CDH2: variants seen among roughly 807,000 people sequenced by gnomAD.
CDH2 encodes the protein cadherin-2.
CDH2 carries 17 observed loss-of-function variants against 92.0 expected under a neutral mutation model. That is an observed-to-expected ratio of 0.18 (90% CI 0.13 to 0.28). The LOEUF is 0.28. CDH2 is among the 10% of genes least tolerant of loss of function. The pLI is 1.00. For missense variants in CDH2, 862 were observed against 1,133.1 expected (o/e 0.76, Z 3.44); for synonymous variants, 419 against 415.9 (o/e 1.01, Z -0.09).
intron 2 of CDH2, among the ~76,000 whole-genome samples, chr18:28,083,949 G>C (rs2014878886): frequency 6.6e-6 from 1 of 152,106 alleles, no homozygotes. Context: ...ACCTCTCTCT[G>C]AGCTCAGTGG....
At chr18:28,141,461 A>G (rs925454467) in intron 2 of CDH2, among the ~76,000 whole-genome samples, 1 of 152,024 alleles carries the variant, frequency 6.6e-6, no homozygotes, top group African/African-American at 2.4e-5. Flanking sequence ...CTGTGAATGT[A>G]CTAAGTGCCA....
At chr18:28,058,332 A>G (rs1411138122) in intron 2 of CDH2, among the ~76,000 whole-genome samples, 2 of 152,172 alleles carry the variant, frequency 1.3e-5, no homozygotes, top group Non-Finnish European at 2.9e-5. Context: ...TGACAGAGAG[A>G]GACAGAGAGA....
chr18:28,058,993 G>C (rs2014350196), intron 2 of CDH2, among the ~76,000 whole-genome samples: 1 of 152,120 alleles, frequency 6.6e-6, no homozygotes, highest in East Asian at 1.9e-4. Flanking sequence ...TTATCTATTT[G>C]ATTTTAGTTG....
At chr18:28,016,564 T>A (rs940937487) in intron 2 of CDH2, among the ~76,000 whole-genome samples, 9 of 152,168 alleles carry the variant, frequency 5.9e-5, no homozygotes, top group Non-Finnish European at 1.0e-4. Context: ...TCAGATTATG[T>A]CACATGTTAA....
intron 2 of CDH2, among the ~76,000 whole-genome samples, chr18:28,068,807 T>A (rs1007258211): frequency 6.6e-6 from 1 of 152,200 alleles, no homozygotes; most frequent in African/African-American, 2.4e-5. Flanking sequence ...TTAGATCCCA[T>A]GCTATTTTAG....
chr18:27,982,334 A>G (rs1341238878), intron 14 of CDH2, among the ~76,000 whole-genome samples: 1 of 152,192 alleles, frequency 6.6e-6, no homozygotes, highest in Admixed American at 6.6e-5. Flanking sequence ...ATAGGTTCAC[A>G]TTAGTTAATG....
intron 2 of CDH2, among the ~76,000 whole-genome samples, chr18:28,118,887 A>C (rs2144267653): frequency 6.6e-6 from 1 of 152,242 alleles, no homozygotes; most frequent in South Asian, 2.1e-4. Context: ...ACTAGCTAAA[A>C]GTATACTTTG....
chr18:27,992,794 T>G lies in CDH2; in HGVS notation c.1205A>C (p.Asn402Thr). Residue 402 changes from asparagine (N) to threonine (T), a missense_variant, in exon 9 of 16, where the codon AAT (asparagine) becomes ACT (threonine). Coordinates refer to ENST00000269141, the MANE Select transcript of CDH2 (RefSeq NM_001792.5). ...TTGATCCTTATCGGTCACAGTTAGA[T>G]TAGCTACTATGATGTCTACCCTGTT... ...PENRVDIIVA[N>T]LTVTDKDQPH... 1.9e-6 allele frequency: 3 copies of G among 1,613,948 alleles called. No individual in the cohort carries two copies. Among genetic ancestry groups the G allele is most frequent in the Non-Finnish European group, 2.5e-6 (3 of 1,179,870 alleles).
chr18:28,040,349 C>G (rs913969831), intron 2 of CDH2, among the ~76,000 whole-genome samples: 5 of 152,160 alleles, frequency 3.3e-5, no homozygotes, highest in African/African-American at 1.2e-4. Context: ...ATTATAATTC[C>G]TGACATGGCA....
intron 2 of CDH2, among the ~76,000 whole-genome samples, chr18:28,131,683 G>GGGGTGTGTGTGT (rs1555645013): frequency 1.3e-5 from 2 of 150,196 alleles, no homozygotes; most frequent in Non-Finnish European, 3.0e-5. Context: ...AAGCATTTGT[G>GGGGTGTGTGTGT]GTGTGTGTGT....
At chr18:28,022,776 T>C (rs1293645570) in intron 2 of CDH2, among the ~76,000 whole-genome samples, 1 of 152,160 alleles carries the variant, frequency 6.6e-6, no homozygotes, top group African/African-American at 2.4e-5. Flanking sequence ...AATACTTTTT[T>C]TAGGTTTTCA....
intron 15 of CDH2, among the ~76,000 whole-genome samples, chr18:27,954,850 C>T (rs755687953): frequency 5.9e-5 from 9 of 152,100 alleles, no homozygotes; most frequent in Non-Finnish European, 8.8e-5. Flanking sequence ...TGGCTGCCCT[C>T]GTGGAGTTAA....
chr18:28,093,725 T>G (rs1261410901), intron 2 of CDH2, among the ~76,000 whole-genome samples: 1 of 152,236 alleles, frequency 6.6e-6, no homozygotes, highest in East Asian at 1.9e-4. Flanking sequence ...TCTATTTCAT[T>G]CTTTTATACA....
intron 2 of CDH2, among the ~76,000 whole-genome samples, chr18:28,048,500 A>G (rs1264781073): frequency 6.6e-6 from 1 of 152,204 alleles, no homozygotes; most frequent in East Asian, 1.9e-4. Context: ...ATAAAGAATA[A>G]CTGTATTCGA....
chr18:28,087,047 A>T (rs1003782355), intron 2 of CDH2, among the ~76,000 whole-genome samples: 13 of 152,170 alleles, frequency 8.5e-5, no homozygotes, highest in Admixed American at 7.2e-4. Flanking sequence ...AGGCAGGCTG[A>T]ATTTAATATT....
intron 2 of CDH2, among the ~76,000 whole-genome samples, chr18:28,115,433 A>G (rs889117658): frequency 6.6e-6 from 1 of 152,142 alleles, no homozygotes; most frequent in Non-Finnish European, 1.5e-5. Flanking sequence ...TCCACCAGTG[A>G]CTTAGCAGAA....
In CDH2 at chr18:28,077,748, G is replaced by A. The variant is rs972587202; in HGVS notation, c.173-63839C>T. 1.7e-4 allele frequency among the ~76,000 whole-genome samples: 26 copies of A among 151,834 alleles called. No individual in the cohort carries two copies. The Middle Eastern group carries it at 0.014, about 79-fold the overall frequency. ...TCTGCCAAAAATACAAAAATTAGGC[G>A]GGTGTGGCAGCGTGTGCCTACATTC... On this transcript the variant is annotated intron_variant, in intron 2 of 15. Coordinates refer to ENST00000269141, the MANE Select transcript of CDH2 (RefSeq NM_001792.5).
chr18:28,102,356 G>A (rs570185037), intron 2 of CDH2, among the ~76,000 whole-genome samples: 2 of 151,964 alleles, frequency 1.3e-5, no homozygotes, highest in East Asian at 1.9e-4. Context: ...GCACAGTGAG[G>A]GTATTCTGAC....
At chr18:28,041,942 A>G (rs1450422655) in intron 2 of CDH2, among the ~76,000 whole-genome samples, 1 of 152,146 alleles carries the variant, frequency 6.6e-6, no homozygotes, top group Admixed American at 6.6e-5. Flanking sequence ...ATTAATGCCC[A>G]GCCCCTTAAA....
Sources: allele counts gnomAD v4.1 joint callset (sites outside exome capture counted in the v4.1 genomes callset), GRCh38; gene constraint gnomAD v4.1.1; transcripts MANE v1.5; gene names NCBI Gene and HGNC (gene_info 2026-07-23, HGNC 2026-07-21).